BMERB1: variants seen among roughly 807,000 people sequenced by gnomAD.
BMERB1 encodes the protein bMERB domain-containing protein 1.
BMERB1 carries 12 observed loss-of-function variants against 23.6 expected under a neutral mutation model. The observed-to-expected ratio is 0.51, with a 90% CI of 0.33 to 0.82. The LOEUF (loss-of-function observed/expected upper bound fraction) is 0.82, where lower values mean the gene tolerates loss of function less well. Ranked by LOEUF, BMERB1 falls within the 40% of genes least tolerant of loss-of-function variation. The pLI is 0.03. For missense variants in BMERB1, 247 were observed against 255.4 expected, an observed-to-expected ratio of 0.97 and a Z score of 0.22; for synonymous variants, 122 against 96.6, an observed-to-expected ratio of 1.26 and a Z score of -1.54.
chr16:15,583,174 G>T lies in BMERB1; in HGVS notation c.438G>T (p.Lys146Asn). ...VERLREQEED[K>N]EMADFLRIKL... Reference sequence around the variant, plus strand: ...TTCACAGGGAGCAAGAAGAAGACAAGGAAATGGCTGATTTCCTGAGAATCA... The same window carrying T: ...TTCACAGGGAGCAAGAAGAAGACAATGAAATGGCTGATTTCCTGAGAATCA... Residue 146 changes from lysine (K) to asparagine (N), a missense_variant, in exon 5 of 6, where the codon AAG becomes AAT. By Grantham distance (94) the Lys-to-Asn change is moderately conservative. Transcript: ENST00000300006. 1 of 1,613,596 alleles carries T rather than the reference G, an allele frequency of 6.2e-7. No homozygotes were observed. Among genetic ancestry groups the T allele is most frequent in the Non-Finnish European group, 8.5e-7 (1 of 1,179,540 alleles).
At chr16:15,509,252 T>C (rs1180242026) in intron 1 of BMERB1, among the ~76,000 whole-genome samples, 2 of 148,872 alleles carry the variant, frequency 1.3e-5, no homozygotes, top group Non-Finnish European at 3.0e-5. Context: ...ACTACGCACT[T>C]TCGCAGGCAC....
chr16:15,527,616 TAAA>T (rs200416187), intron 2 of BMERB1, among the ~76,000 whole-genome samples: 2 of 146,386 alleles, frequency 1.4e-5, no homozygotes, highest in Non-Finnish European at 3.0e-5. Context: ...AAAAATAAAA[TAAA>T]AAAAAAAGAA....
chr16:15,446,694 C>T (rs898403591), intron 1 of BMERB1, among the ~76,000 whole-genome samples: 1 of 152,174 alleles, frequency 6.6e-6, no homozygotes, highest in African/African-American at 2.4e-5. Context: ...GTTGAAGCTG[C>T]CATTGATATA....
chr16:15,549,970 G>A (rs560093341), intron 2 of BMERB1, among the ~76,000 whole-genome samples: 1 of 149,334 alleles, frequency 6.7e-6, no homozygotes, highest in Non-Finnish European at 1.5e-5. Flanking sequence ...TTTTTTTTGA[G>A]ATGCAGTCTT....
chr16:15,566,510 TC>T (rs1335557322), intron 2 of BMERB1, among the ~76,000 whole-genome samples: 2 of 152,064 alleles, frequency 1.3e-5, no homozygotes, highest in African/African-American at 4.8e-5. Context: ...CACTGTATAA[TC>T]AGCTGAGTGC....
chr16:15,541,118 A>G (rs1406489455), intron 2 of BMERB1, among the ~76,000 whole-genome samples: 1 of 152,032 alleles, frequency 6.6e-6, no homozygotes, highest in African/African-American at 2.4e-5. Flanking sequence ...CGGGTTTGAT[A>G]GTTTGCTGGA....
chr16:15,572,972 T>C (rs905894073), intron 3 of BMERB1, among the ~76,000 whole-genome samples: 5 of 152,220 alleles, frequency 3.3e-5, no homozygotes, highest in Non-Finnish European at 7.3e-5. Context: ...TTTTGCCTTC[T>C]GCCGTGATTG....
chr16:15,440,994 G>A (rs1375309579), intron 1 of BMERB1, among the ~76,000 whole-genome samples: 2 of 152,156 alleles, frequency 1.3e-5, no homozygotes, highest in African/African-American at 2.4e-5. Context: ...AGGAATCCAG[G>A]CAGTAAACGT....
At chr16:15,581,378 C>G (rs1007846264) in intron 4 of BMERB1, 47 bp downstream of exon 4, 1 of 1,489,216 alleles carries the variant, frequency 6.7e-7, no homozygotes, top group Admixed American at 1.8e-5. Flanking sequence ...GGACAGCAAC[C>G]TTCTGCTTCC....
chr16:15,488,440 G>A (rs1017772220), intron 1 of BMERB1, among the ~76,000 whole-genome samples: 1 of 152,270 alleles, frequency 6.6e-6, no homozygotes, highest in East Asian at 1.9e-4. Context: ...GCAGGCAGGG[G>A]AGGTACAAGA....
At chr16:15,557,602 G>A (rs1439424514) in intron 2 of BMERB1, among the ~76,000 whole-genome samples, 1 of 152,164 alleles carries the variant, frequency 6.6e-6, no homozygotes, top group African/African-American at 2.4e-5. Flanking sequence ...AGCGTCCGAC[G>A]ACTAGTGTCT....
At chr16:15,523,873 C>A (rs957536486) in intron 2 of BMERB1, among the ~76,000 whole-genome samples, 8 of 152,146 alleles carry the variant, frequency 5.3e-5, no homozygotes, top group African/African-American at 1.9e-4. Context: ...AGAAAATATT[C>A]CTCTCCCCAA....
chr16:15,569,773 T>C (rs992449565), intron 3 of BMERB1, among the ~76,000 whole-genome samples: 1 of 152,158 alleles, frequency 6.6e-6, no homozygotes, highest in African/African-American at 2.4e-5. Context: ...GATTCTGCAA[T>C]AGTGATGTTA....
At chr16:15,464,796 C>T (rs1387585218) in intron 1 of BMERB1, among the ~76,000 whole-genome samples, 1 of 152,086 alleles carries the variant, frequency 6.6e-6, no homozygotes, top group Non-Finnish European at 1.5e-5. Context: ...TTGGATTGGG[C>T]AGGTTTTGGC....
At chr16:15,540,638 C>A (rs2052069472) in intron 2 of BMERB1, among the ~76,000 whole-genome samples, 1 of 152,200 alleles carries the variant, frequency 6.6e-6, no homozygotes, top group Admixed American at 6.6e-5. Context: ...CACACTTTTC[C>A]TTCTTGCCTG....
rs559462085 is a variant in BMERB1 at position 15,583,012 on chromosome 16, A to G, written c.420-144A>G. On this transcript the variant is annotated intron_variant, in intron 4 of 5. Transcript: ENST00000300006. ...CAGGTTCACCAGATACAACATATAC[A>G]TACTGTACACGCATAACACGTGACA... 117 of 690,322 alleles carry G rather than the reference A, an allele frequency of 1.7e-4. No individual in the cohort carries two copies. In the African/African-American group the frequency reaches 1.8e-3, roughly 11 times the overall value. 42.8% of individuals were successfully genotyped at this position (690,322 alleles called of 1,614,324 possible).
At chr16:15,452,707 C>T (rs1277800069) in intron 1 of BMERB1, among the ~76,000 whole-genome samples, 2 of 152,198 alleles carry the variant, frequency 1.3e-5, no homozygotes, top group Non-Finnish European at 2.9e-5. Context: ...GCAAGGGAAC[C>T]TCTCCAGTCT....
chr16:15,572,130 A>G (rs941642096), intron 3 of BMERB1, among the ~76,000 whole-genome samples: 1 of 152,218 alleles, frequency 6.6e-6, no homozygotes, highest in African/African-American at 2.4e-5. Flanking sequence ...GAGTGCAGCA[A>G]TCTGGGTTTG....
intron 3 of BMERB1, among the ~76,000 whole-genome samples, chr16:15,580,733 G>C (rs1465710110): frequency 6.6e-6 from 1 of 151,490 alleles, no homozygotes; most frequent in Non-Finnish European, 1.5e-5. Context: ...ATTTAGTAGA[G>C]ACGGGGTTCC....
Sources: gnomAD v4.1 joint callset for allele counts (sites outside exome capture counted in the v4.1 genomes callset) on GRCh38, gnomAD v4.1.1 for gene constraint, MANE v1.5 for transcripts, NCBI Gene and HGNC (gene_info 2026-07-23, HGNC 2026-07-21) for gene names.